The following ATE1 variants were observed in gnomAD, a reference collection of about 807,000 sequenced individuals.
ATE1 encodes the protein arginyl-tRNA--protein transferase 1.
A neutral mutation model predicts 70.5 loss-of-function variants in ATE1; 36 were observed. The observed-to-expected ratio is 0.51, with a 90% CI of 0.39 to 0.67. ATE1 has a LOEUF of 0.67. Among genes scored for constraint, ATE1 ranks in the 30% least tolerant of loss-of-function variants. The pLI is 0.00. For synonymous variants in ATE1, 232 were observed against 219.3 expected (o/e 1.06, Z -0.51); for missense variants, 593 against 629.5 (o/e 0.94, Z 0.62).
chr10:121,925,427 C>CAAAAAAAA (rs35309690), intron 1 of ATE1, among the ~76,000 whole-genome samples: 1 of 118,744 alleles, frequency 8.4e-6, no homozygotes. Flanking sequence ...AGCTCTGTCT[C>CAAAAAAAA]AAAAAAAAAA....
chr10:121,922,911 T>C (rs1474800251), intron 2 of ATE1, among the ~76,000 whole-genome samples: 1 of 152,140 alleles, frequency 6.6e-6, no homozygotes, highest in Non-Finnish European at 1.5e-5. Flanking sequence ...CATTTTAAAC[T>C]CCTCCCTGGA....
intron 8 of ATE1, among the ~76,000 whole-genome samples, chr10:121,844,904 GT>G (rs1948758767): frequency 6.7e-6 from 1 of 149,600 alleles, no homozygotes; most frequent in African/African-American, 2.5e-5. Context: ...CAGATAATGA[GT>G]TTAAAAAAAA....
chr10:121,848,686 G>A (rs190960108), intron 8 of ATE1, among the ~76,000 whole-genome samples: 1,734 of 149,852 alleles, frequency 0.012, 34 homozygotes, highest in African/African-American at 0.04. Flanking sequence ...CAAGGCGGGC[G>A]GATCACCTGA....
intron 2 of ATE1, among the ~76,000 whole-genome samples, chr10:121,923,532 T>A (rs574586249): frequency 6.6e-6 from 1 of 152,310 alleles, no homozygotes; most frequent in Non-Finnish European, 1.5e-5. Context: ...TCCTTTAAAA[T>A]CTGACCTATG....
intron 1 of ATE1, chr10:121,927,536 G>C (rs1952145957): frequency 2.0e-6 from 2 of 985,304 alleles, no homozygotes; most frequent in Non-Finnish European, 2.4e-6. Context: ...CGGCTCTGGG[G>C]CGTTCCCTGG....
At chr10:121,867,504 C>G (rs1949703864) in intron 8 of ATE1, among the ~76,000 whole-genome samples, 2 of 152,152 alleles carry the variant, frequency 1.3e-5, no homozygotes, top group African/African-American at 4.8e-5. Context: ...CTGCCAGCCC[C>G]TTTTTCCCAA....
chr10:121,928,212 C>T (rs1213289662), upstream of ATE1: 12 of 1,330,532 alleles, frequency 9.0e-6, no homozygotes, highest in Admixed American at 1.5e-4. Context: ...AGAGACAGAG[C>T]GGGAAGGGAA....
At chr10:121,823,393 A>G (rs773057054) in intron 10 of ATE1, among the ~76,000 whole-genome samples, 2 of 152,226 alleles carry the variant, frequency 1.3e-5, no homozygotes, top group Non-Finnish European at 2.9e-5. Flanking sequence ...GAGAAGGTGA[A>G]GGTGAAGTGG....
intron 10 of ATE1, among the ~76,000 whole-genome samples, chr10:121,818,466 G>C (rs1471229023): frequency 6.6e-6 from 1 of 152,008 alleles, no homozygotes; most frequent in Non-Finnish European, 1.5e-5. Context: ...TCCAAAAAAA[G>C]CAATTTAGAG....
At chr10:121,829,851 A>G (rs1320901030) in intron 10 of ATE1, among the ~76,000 whole-genome samples, 1 of 152,224 alleles carries the variant, frequency 6.6e-6, no homozygotes, top group Non-Finnish European at 1.5e-5. Context: ...TGCCATTACT[A>G]GTGCTTTACA....
At chr10:121,783,509 G>A (rs533959011) in intron 11 of ATE1, among the ~76,000 whole-genome samples, 1 of 146,684 alleles carries the variant, frequency 6.8e-6, no homozygotes, top group Admixed American at 7.0e-5. Context: ...TCCAACCGAT[G>A]GAGTCATAGT....
chr10:121,765,815 T>C (rs1278147403), intron 11 of ATE1, among the ~76,000 whole-genome samples: 6 of 152,186 alleles, frequency 3.9e-5, no homozygotes, highest in Admixed American at 3.3e-4. Context: ...TATTTTGGTA[T>C]TAGACGTTAG....
rs1342626680 is a variant in ATE1, at chr10:121,888,685, G to GT, written c.942+11180dup. On this transcript the variant is annotated intron_variant, in intron 7 of 11. Coordinates refer to ENST00000224652, the MANE Select transcript of ATE1 (RefSeq NM_001001976.3). The stretch of plus-strand genomic sequence containing the variant: ...TTTACCAAAAGGTATGTATAAGGAT[G>GT]TACATATGCAGCACTTTTCACGGTA... Among the ~76,000 whole-genome samples, 24 of 152,236 alleles carry GT rather than the reference G, an allele frequency of 1.6e-4. 1 individual carries two copies. The East Asian group carries it at 3.9e-3, about 25-fold the overall frequency.
At chr10:121,794,355 G>A (rs1024163193) in intron 10 of ATE1, among the ~76,000 whole-genome samples, 1 of 152,030 alleles carries the variant, frequency 6.6e-6, no homozygotes, top group African/African-American at 2.4e-5. Context: ...TAATAAAAAT[G>A]GAATAGCATA....
At chr10:121,756,886 CCGT>C (rs1452848638) in intron 11 of ATE1, among the ~76,000 whole-genome samples, 4 of 152,210 alleles carry the variant, frequency 2.6e-5, no homozygotes, top group Non-Finnish European at 5.9e-5. Context: ...TTTTCCCCCA[CCGT>C]CTTGGAGATT....
At chr10:121,857,612 G>A (rs1277757497) in intron 8 of ATE1, among the ~76,000 whole-genome samples, 1 of 152,126 alleles carries the variant, frequency 6.6e-6, no homozygotes, top group Non-Finnish European at 1.5e-5. Context: ...TATACCTAAA[G>A]GAAAATAAAT....
chr10:121,800,382 C>T (rs990782409), intron 10 of ATE1, among the ~76,000 whole-genome samples: 3 of 152,050 alleles, frequency 2.0e-5, no homozygotes, highest in African/African-American at 4.8e-5. Context: ...TACCAATTCA[C>T]GCCCTGCCAT....
At chr10:121,813,821 T>C (rs1947423081) in intron 10 of ATE1, among the ~76,000 whole-genome samples, 1 of 152,202 alleles carries the variant, frequency 6.6e-6, no homozygotes, top group African/African-American at 2.4e-5. Flanking sequence ...AGCTCCCTGC[T>C]CTCTCATCTG....
At chr10:121,859,755 C>A (rs1187553732) in intron 8 of ATE1, among the ~76,000 whole-genome samples, 1 of 151,488 alleles carries the variant, frequency 6.6e-6, no homozygotes, top group East Asian at 2.0e-4. Flanking sequence ...CAACCTGGCC[C>A]ACATGGTGAA....
Sources: gnomAD v4.1 joint callset for allele counts (sites outside exome capture counted in the v4.1 genomes callset) on GRCh38, gnomAD v4.1.1 for gene constraint, MANE v1.5 for transcripts, NCBI Gene and HGNC (gene_info 2026-07-23, HGNC 2026-07-21) for gene names.